Variants in MRTFB observed in about 807,000 individuals in gnomAD.
MRTFB encodes myocardin-related transcription factor B.
In MRTFB, 29 loss-of-function variants were observed where a neutral mutation model predicts 104.2. The observed-to-expected ratio is 0.28, with a 90% CI of 0.21 to 0.38. The LOEUF (loss-of-function observed/expected upper bound fraction) is 0.38. Among genes scored for constraint, MRTFB ranks in the 10% least tolerant of loss-of-function variants. The pLI is 1.00. For synonymous variants in MRTFB, 535 were observed against 519.5 expected (o/e 1.03, Z -0.41); for missense variants, 1,270 against 1,341.6 (o/e 0.95, Z 0.83).
chr16:14,139,829 G>A lies in MRTFB; in HGVS notation c.-63-715G>A, dbSNP rs562813213. 2.5e-4 allele frequency among the ~76,000 whole-genome samples: 38 copies of A among 152,294 alleles called. 1 individual carries two copies. The South Asian group carries it at 7.7e-3, about 31-fold the overall frequency. ...GAATTTTATCGAATGTTTTGCCACT[G>A]CCATAACATGGACTGACCATCCTTC... On this transcript the variant is annotated intron_variant, in intron 2 of 16. Coordinates refer to ENST00000571589, the MANE Select transcript of MRTFB (RefSeq NM_001308142.2).
chr16:14,259,002 A>G (rs1276302810), intron 16 of MRTFB, among the ~76,000 whole-genome samples: 2 of 152,226 alleles, frequency 1.3e-5, no homozygotes, highest in Admixed American at 6.5e-5. Flanking sequence ...GAATTTTCAA[A>G]TAGTGGTCAG....
intron 3 of MRTFB, among the ~76,000 whole-genome samples, chr16:14,166,358 G>T (rs375184876): frequency 6.6e-6 from 1 of 150,978 alleles, no homozygotes; most frequent in Non-Finnish European, 1.5e-5. Context: ...CATTTATTAC[G>T]TATGTATTCT....
At chr16:14,203,737 G>A (rs1172588762) in intron 3 of MRTFB, among the ~76,000 whole-genome samples, 1 of 143,658 alleles carries the variant, frequency 7.0e-6, no homozygotes, top group Non-Finnish European at 1.5e-5. Context: ...CCAGGAGACA[G>A]AGGTTGCAGG....
chr16:14,090,908 G>GTA (rs1555481479), intron 2 of MRTFB, among the ~76,000 whole-genome samples: 8 of 151,838 alleles, frequency 5.3e-5, no homozygotes, highest in African/African-American at 1.9e-4. Flanking sequence ...GTGTGTGTGT[G>GTA]TGTGTGTGTG....
chr16:14,159,635 AT>A (rs1597110692), intron 3 of MRTFB, among the ~76,000 whole-genome samples: 1 of 152,214 alleles, frequency 6.6e-6, no homozygotes, highest in African/African-American at 2.4e-5. Flanking sequence ...TATTAACTTT[AT>A]TTAAGAATCA....
chr16:14,006,721 A>T, the MRTFB span, among the ~76,000 whole-genome samples: 2 of 150,390 alleles, frequency 1.3e-5, no homozygotes, highest in African/African-American at 2.5e-5. Context: ...TTTTTTTTTT[A>T]AAGAGCTTTA....
At chr16:14,087,128 C>T (rs917294385) in intron 2 of MRTFB, among the ~76,000 whole-genome samples, 4 of 152,210 alleles carry the variant, frequency 2.6e-5, no homozygotes, top group South Asian at 2.1e-4. Context: ...AGAATAGATC[C>T]CTAGCAAAGC....
intron 6 of MRTFB, among the ~76,000 whole-genome samples, chr16:14,216,348 C>T (rs1305431036): frequency 6.6e-6 from 1 of 152,148 alleles, no homozygotes; most frequent in Non-Finnish European, 1.5e-5. Context: ...TGGGTAGACA[C>T]CACATCATTA....
At chr16:14,220,273 G>A (rs1032718926) in intron 8 of MRTFB, among the ~76,000 whole-genome samples, 1 of 152,196 alleles carries the variant, frequency 6.6e-6, no homozygotes, top group Non-Finnish European at 1.5e-5. Context: ...TGTCAAGTAT[G>A]CAAGTAGATA....
chr16:14,171,854 T>C (rs1052062495), intron 3 of MRTFB, among the ~76,000 whole-genome samples: 5 of 152,270 alleles, frequency 3.3e-5, no homozygotes, highest in Admixed American at 1.3e-4. Flanking sequence ...CAAACTGGAG[T>C]TCAGTATTTG....
intron 3 of MRTFB, among the ~76,000 whole-genome samples, chr16:14,181,104 A>G (rs979541951): frequency 6.6e-6 from 1 of 152,174 alleles, no homozygotes; most frequent in African/African-American, 2.4e-5. Flanking sequence ...GACTTTTTCA[A>G]TATATATTTT....
the MRTFB span, among the ~76,000 whole-genome samples, chr16:14,012,025 A>C: frequency 6.6e-6 from 1 of 152,078 alleles, no homozygotes; most frequent in Non-Finnish European, 1.5e-5. Context: ...CCCCTGAAAA[A>C]TGTCTGGTCT....
intron 3 of MRTFB, chr16:14,186,678 C>T (rs949881370): frequency 6.1e-5 from 81 of 1,320,434 alleles, no homozygotes; most frequent in Middle Eastern, 2.8e-4. Flanking sequence ...CTCTGCCTCC[C>T]GATGTGGGAG....
intron 2 of MRTFB, among the ~76,000 whole-genome samples, chr16:14,107,414 C>T (rs945609376): frequency 1.3e-5 from 2 of 152,122 alleles, no homozygotes; most frequent in African/African-American, 4.8e-5. Flanking sequence ...GCAGGACCAC[C>T]AGGAGTAGCC....
At chr16:14,016,370 T>G in the MRTFB span, among the ~76,000 whole-genome samples, 1 of 111,402 alleles carries the variant, frequency 9.0e-6, no homozygotes, top group East Asian at 2.5e-4. Context: ...GTTTTAAATA[T>G]GATTTTTTTT....
intron 8 of MRTFB, among the ~76,000 whole-genome samples, chr16:14,228,842 C>T (rs1178125642): frequency 6.6e-6 from 1 of 151,964 alleles, no homozygotes; most frequent in Non-Finnish European, 1.5e-5. Context: ...TGTGTGATTC[C>T]ACTTATATAA....
the MRTFB span, among the ~76,000 whole-genome samples, chr16:14,059,466 A>G: frequency 1.3e-5 from 2 of 152,102 alleles, no homozygotes; most frequent in African/African-American, 4.8e-5. Flanking sequence ...CTGATATTTT[A>G]GTATAAGTGT....
intron 2 of MRTFB, among the ~76,000 whole-genome samples, chr16:14,084,908 CAGG>C (rs1449613548): frequency 1.3e-5 from 2 of 152,142 alleles, no homozygotes; most frequent in African/African-American, 4.8e-5. Context: ...AATTAACTAT[CAGG>C]AGCTATTTCA....
the MRTFB span, among the ~76,000 whole-genome samples, chr16:14,012,765 G>A: frequency 6.6e-6 from 1 of 152,070 alleles, no homozygotes; most frequent in Non-Finnish European, 1.5e-5. Flanking sequence ...ACTCAGGGCT[G>A]CCTGAGTCCA....
Sources: gnomAD v4.1 joint callset for allele counts (sites outside exome capture counted in the v4.1 genomes callset) on GRCh38, gnomAD v4.1.1 for gene constraint, MANE v1.5 for transcripts, NCBI Gene and HGNC (gene_info 2026-07-23, HGNC 2026-07-21) for gene names.